APOL5: variants seen among roughly 807,000 people sequenced by gnomAD.
APOL5 encodes the protein apolipoprotein L, 5.
A neutral mutation model predicts 35.5 loss-of-function variants in APOL5; 29 were observed. The ratio of observed to expected loss-of-function variants is 0.82; its 90% CI spans 0.61 to 1.11. The LOEUF is 1.11. Among genes scored for constraint, APOL5 ranks in the 50% most tolerant of loss-of-function variants. APOL5 has a pLI of 0.00. For missense variants in APOL5, 514 were observed against 530.4 expected, an observed-to-expected ratio of 0.97 and a Z score of 0.30; for synonymous variants, 188 against 200.2, an observed-to-expected ratio of 0.94 and a Z score of 0.51.
At chr22:35,728,974 G>A (rs1385445805) in intron 4 of APOL5, 70 bp downstream of exon 4, 10 of 1,450,830 alleles carry the variant, frequency 6.9e-6, no homozygotes, top group Non-Finnish European at 9.1e-6. Flanking sequence ...CCTTGGGTGG[G>A]TGGGCTTCAG....
Position 35,720,037 on chromosome 22 carries a change from G to A in APOL5, c.56-531G>A, listed in dbSNP as rs567581354. Among the ~76,000 whole-genome samples, 16 of 152,170 alleles carry A rather than the reference G, an allele frequency of 1.1e-4. No homozygotes were observed. The South Asian group carries it at 1.3e-3, about 12-fold the overall frequency. Reference sequence around the variant, plus strand: ...CGTGGATGACCTGTCAGCATCCGCCGGTGTATTCTTCTTCCTGTGTGTTCC... The same window carrying A: ...CGTGGATGACCTGTCAGCATCCGCCAGTGTATTCTTCTTCCTGTGTGTTCC... On this transcript the variant is annotated intron_variant, in intron 1 of 4. Transcript: ENST00000249044.
At chr22:35,716,431 C>T (rs1046773434), upstream of APOL5, among the ~76,000 whole-genome samples, 1 of 152,128 alleles carries the variant, frequency 6.6e-6, no homozygotes, top group African/African-American at 2.4e-5. Context: ...CACCACCACG[C>T]CTGGCTAATT....
intron 2 of APOL5, among the ~76,000 whole-genome samples, chr22:35,721,271 G>A (rs976609418): frequency 1.3e-5 from 2 of 152,136 alleles, no homozygotes; most frequent in Non-Finnish European, 2.9e-5. Context: ...GGGCAGGCAC[G>A]GTGGCTCACG....
At chr22:35,718,056 T>A (rs1435342718) in intron 1 of APOL5, 130 bp downstream of exon 1, 6 of 637,348 alleles carry the variant, frequency 9.4e-6, no homozygotes, top group Middle Eastern at 2.9e-4. Context: ...ATATAGCAGA[T>A]CCTTGGTTTT....
chr22:35,710,226 A>G, the APOL5 span, among the ~76,000 whole-genome samples: 1 of 145,280 alleles, frequency 6.9e-6, no homozygotes, highest in African/African-American at 2.5e-5. Flanking sequence ...AGGCTCTCAA[A>G]CGATCCTCCT....
At chr22:35,722,710 C>CA (rs1927015224) in intron 2 of APOL5, among the ~76,000 whole-genome samples, 1 of 152,142 alleles carries the variant, frequency 6.6e-6, no homozygotes, top group Non-Finnish European at 1.5e-5. Context: ...TCATTGATGG[C>CA]AAAAATGTGG....
intron 2 of APOL5, among the ~76,000 whole-genome samples, chr22:35,722,096 C>T (rs1926989289): frequency 6.6e-6 from 1 of 152,002 alleles, no homozygotes. Context: ...GAGAAAGCTC[C>T]CCAAAAAAGG....
At chr22:35,721,095 A>T (rs1490011615) in intron 2 of APOL5, among the ~76,000 whole-genome samples, 1 of 152,154 alleles carries the variant, frequency 6.6e-6, no homozygotes, top group Non-Finnish European at 1.5e-5. Context: ...TAATATCCAG[A>T]TCTGTAGCCA....
upstream of APOL5, among the ~76,000 whole-genome samples, chr22:35,713,204 C>T (rs372304583): frequency 1.3e-5 from 2 of 152,300 alleles, no homozygotes; most frequent in East Asian, 3.9e-4. Context: ...TATTTTCCCT[C>T]GTCTCTAATA....
chr22:35,712,613 C>T, the APOL5 span, among the ~76,000 whole-genome samples: 2 of 152,224 alleles, frequency 1.3e-5, no homozygotes, highest in Non-Finnish European at 2.9e-5. Context: ...TATCTATTCA[C>T]ATCCTTTGTC....
In APOL5 at chr22:35,726,657, GCAGCAAGAGACAAAGC is replaced by G. The variant is rs1927172661; in HGVS notation, c.594_609del (p.Arg199AspfsTer5). On this transcript the variant is annotated frameshift_variant, in exon 3 of 5. Coordinates refer to ENST00000249044, the MANE Select transcript of APOL5 (RefSeq NM_030642.1). LOFTEE classifies it high-confidence loss of function. ...TGTCTTAGAAAATAGAAGCAATTCA[GCAGCAAGAGACAAAGC>G]CAGCCGACTGGGGCCTCTGACAACA... 6.2e-7 allele frequency: 1 copy of G among 1,614,104 alleles called. No individual in the cohort carries two copies. Among genetic ancestry groups the G allele is most frequent in the South Asian group, 1.1e-5 (1 of 91,092 alleles).
At chr22:35,711,379 C>T in the APOL5 span, among the ~76,000 whole-genome samples, 1 of 152,108 alleles carries the variant, frequency 6.6e-6, no homozygotes, top group Admixed American at 6.5e-5. Flanking sequence ...ACCCTGCTTT[C>T]AATTCTCTTG....
the APOL5 span, among the ~76,000 whole-genome samples, chr22:35,711,757 C>A: frequency 6.6e-6 from 1 of 151,382 alleles, no homozygotes; most frequent in Non-Finnish European, 1.5e-5. Context: ...CTCACTGCAA[C>A]CTTTGTCTCC....
upstream of APOL5, among the ~76,000 whole-genome samples, chr22:35,713,067 C>T (rs1458134237): frequency 6.6e-6 from 1 of 152,216 alleles, no homozygotes; most frequent in Non-Finnish European, 1.5e-5. Context: ...ACTTTGGGAA[C>T]ACCCATTGCC....
upstream of APOL5, among the ~76,000 whole-genome samples, chr22:35,714,419 G>A (rs930296283): frequency 1.3e-4 from 20 of 152,220 alleles, no homozygotes; most frequent in African/African-American, 4.6e-4. Context: ...TTGTGTGGTT[G>A]AGAATTCCAG....
At chr22:35,709,367 TCACACACACACACA>T in the APOL5 span, among the ~76,000 whole-genome samples, 1 of 149,824 alleles carries the variant, frequency 6.7e-6, no homozygotes, top group Non-Finnish European at 1.5e-5. Context: ...CACAAAATTT[TCACACACACACACA>T]CACACACACA....
In APOL5 at chr22:35,727,083, G is replaced by C. The variant is rs1393341296; in HGVS notation, c.1015G>C (p.Glu339Gln). The C allele has an allele frequency of 6.2e-7, 1 of 1,612,688 alleles. No homozygotes were observed. Among genetic ancestry groups the C allele is most frequent in the Admixed American group, 1.7e-5 (1 of 60,024 alleles). The change falls in exon 3 of 5, where the codon GAG becomes CAG. Residue 339 changes from glutamate to glutamine, a missense_variant. By Grantham distance (29) the Glu-to-Gln change is conservative. Around this residue, in one of 3 missense-constraint regions of APOL5, gnomAD observed 238 missense variants for 229.1 expected, o/e 1.04. Coordinates refer to ENST00000249044, the MANE Select transcript of APOL5 (RefSeq NM_030642.1). ...LRALAKKLEQ[E>Q]LDRLTQHHRH... is the part of the protein sequence containing the mutation. ...AGCACTTGCTAAGAAGCTGGAGCAG[G>C]AGCTGGACCGGCTCACCCAGCACCA...
intron 2 of APOL5, among the ~76,000 whole-genome samples, chr22:35,721,369 G>C (rs574844144): frequency 6.6e-6 from 1 of 151,898 alleles, no homozygotes; most frequent in African/African-American, 2.4e-5. Context: ...ATGGTGAAAC[G>C]TCATTTCCAC....
At chr22:35,725,249 T>C (rs1411388100) in intron 2 of APOL5, among the ~76,000 whole-genome samples, 1 of 152,118 alleles carries the variant, frequency 6.6e-6, no homozygotes. Flanking sequence ...ATTCGAGGAC[T>C]GGGTTTTTTG....
Sources: gnomAD v4.1 joint callset for allele counts (sites outside exome capture counted in the v4.1 genomes callset) on GRCh38, gnomAD v4.1.1 for gene constraint, gnomAD v4.1.1 regional missense constraint, MANE v1.5 for transcripts, NCBI Gene and HGNC (gene_info 2026-07-23, HGNC 2026-07-21) for gene names.